TANC2: variants seen among roughly 807,000 people sequenced by gnomAD.
TANC2 encodes protein TANC2.
A neutral mutation model predicts 210.5 loss-of-function variants in TANC2; 26 were observed. The observed-to-expected ratio is 0.12, with a 90% CI of 0.09 to 0.17. The LOEUF (loss-of-function observed/expected upper bound fraction) is 0.17, where lower values mean the gene tolerates loss of function less well. TANC2 is among the 10% of genes least tolerant of loss of function. The pLI, the probability that TANC2 is intolerant of heterozygous loss-of-function variation, is 1.00. For synonymous variants in TANC2, 931 were observed against 967.1 expected (o/e 0.96, Z 0.69); for missense variants, 2,129 against 2,608.9 (o/e 0.82, Z 4.01).
intron 14 of TANC2, among the ~76,000 whole-genome samples, chr17:63,372,005 C>G (rs1333388988): frequency 5.9e-5 from 9 of 152,172 alleles, no homozygotes; most frequent in Non-Finnish European, 2.9e-5. Flanking sequence ...ACCACCTTCT[C>G]TGACTTTTGT....
intron 9 of TANC2, among the ~76,000 whole-genome samples, chr17:63,274,949 G>GA (rs1320116210): frequency 1.3e-5 from 2 of 152,248 alleles, no homozygotes; most frequent in Middle Eastern, 3.4e-3. Flanking sequence ...ATTCCGCAGA[G>GA]AAAGATAGAA....
chr17:63,073,896 G>A (rs2036484157), intron 2 of TANC2, 47 bp from the exon 3 acceptor site: 1 of 1,465,620 alleles, frequency 6.8e-7, no homozygotes, highest in Non-Finnish European at 9.3e-7. Flanking sequence ...ACACTGTTAT[G>A]TCAATCTCAT....
intron 9 of TANC2, among the ~76,000 whole-genome samples, chr17:63,301,187 T>G (rs1053401705): frequency 8.5e-5 from 13 of 152,166 alleles, no homozygotes; most frequent in Non-Finnish European, 2.9e-5. Flanking sequence ...TGCCAGTATT[T>G]TATTGAGGAT....
intron 5 of TANC2, among the ~76,000 whole-genome samples, chr17:63,172,468 C>T (rs1423368943): frequency 1.3e-5 from 2 of 151,960 alleles, no homozygotes; most frequent in Non-Finnish European, 2.9e-5. Context: ...AGGTGTGAGC[C>T]ACCGCCCCCG....
chr17:63,413,876 C>G (rs1432156813), intron 25 of TANC2, among the ~76,000 whole-genome samples: 1 of 152,124 alleles, frequency 6.6e-6, no homozygotes, highest in Non-Finnish European at 1.5e-5. Context: ...GTCACTCACC[C>G]ATGGTTTTGT....
intron 14 of TANC2, among the ~76,000 whole-genome samples, chr17:63,378,072 G>A (rs1252631636): frequency 2.0e-5 from 3 of 152,172 alleles, no homozygotes; most frequent in African/African-American, 7.2e-5. Flanking sequence ...TGAGATTTGG[G>A]TGGGGACACA....
At chr17:63,359,557 A>G (rs145884324) in intron 14 of TANC2, among the ~76,000 whole-genome samples, 25 of 151,976 alleles carry the variant, frequency 1.6e-4, no homozygotes, top group African/African-American at 5.3e-4. Context: ...CAATTTGGCC[A>G]GGCTGGTCTC....
intron 2 of TANC2, among the ~76,000 whole-genome samples, chr17:63,035,063 G>A (rs2034917657): frequency 6.6e-6 from 1 of 152,108 alleles, no homozygotes; most frequent in Admixed American, 6.5e-5. Flanking sequence ...TTTCATGAAA[G>A]GAAAAGTTAT....
rs184139523 is a variant in TANC2 at position 63,412,938 on chromosome 17, A to G, written c.3928+229A>G. On this transcript the variant is annotated intron_variant, in intron 24 of 27. Coordinates refer to ENST00000689528, the Ensembl canonical transcript of TANC2. The surrounding 1 kb of genome is among the most constrained non-coding windows in gnomAD (Gnocchi z 4.2). ...AATTCAGGCATTTGTAAACTAATCA[A>G]TTTAACCTTTTCTTTCTTTTTGTGG... Among the ~76,000 whole-genome samples, 18 of 152,344 alleles carry G rather than the reference A, an allele frequency of 1.2e-4. No individual in the cohort carries two copies. The highest frequency in any genetic ancestry group is 3.9e-4 in the East Asian group (2 of 5,188).
At chr17:63,109,327 GGAGT>G (rs2037945352) in intron 4 of TANC2, among the ~76,000 whole-genome samples, 1 of 151,536 alleles carries the variant, frequency 6.6e-6, no homozygotes, top group South Asian at 2.1e-4. Flanking sequence ...TGAAAAAGAG[GGAGT>G]GAGAAAAGAT....
chr17:63,368,929 G>C (rs2047185297), intron 14 of TANC2, among the ~76,000 whole-genome samples: 1 of 152,164 alleles, frequency 6.6e-6, no homozygotes, highest in Admixed American at 6.5e-5. Context: ...GCTATCAAAA[G>C]GGCAACTTAA....
At chr17:62,994,434 A>G (rs2033014889) in intron 1 of TANC2, among the ~76,000 whole-genome samples, 2 of 151,780 alleles carry the variant, frequency 1.3e-5, no homozygotes, top group Non-Finnish European at 2.9e-5. Flanking sequence ...TTCTTGTCCA[A>G]CTTAGGAGGA....
chr17:63,374,962 G>C (rs1005331134), intron 14 of TANC2, among the ~76,000 whole-genome samples: 1 of 152,038 alleles, frequency 6.6e-6, no homozygotes, highest in Non-Finnish European at 1.5e-5. Context: ...ATATAGGAGA[G>C]GGGGGAAATA....
At chr17:63,124,749 C>T (rs888494899) in intron 4 of TANC2, among the ~76,000 whole-genome samples, 6 of 152,206 alleles carry the variant, frequency 3.9e-5, no homozygotes, top group Non-Finnish European at 5.9e-5. Flanking sequence ...GGCGAGCAAG[C>T]ATTACTGCTT....
chr17:63,246,228 C>G (rs1043797125), intron 8 of TANC2, among the ~76,000 whole-genome samples: 7 of 138,482 alleles, frequency 5.1e-5, no homozygotes, highest in Admixed American at 2.1e-4. Flanking sequence ...AGATGAGTAC[C>G]CAAACTGGCC....
intron 9 of TANC2, among the ~76,000 whole-genome samples, chr17:63,269,881 G>A (rs1307504948): frequency 6.6e-6 from 1 of 152,040 alleles, no homozygotes; most frequent in Non-Finnish European, 1.5e-5. Context: ...CTTTAGGAAG[G>A]GCTCTGACTG....
At chr17:63,111,328 A>T (rs947944318) in intron 4 of TANC2, among the ~76,000 whole-genome samples, 5 of 152,112 alleles carry the variant, frequency 3.3e-5, no homozygotes, top group African/African-American at 1.2e-4. Flanking sequence ...ATTAAATAAG[A>T]TGTGTGTCAA....
chr17:63,416,540 T>TA (rs1350431675), intron 26 of TANC2, among the ~76,000 whole-genome samples: 1 of 152,222 alleles, frequency 6.6e-6, no homozygotes, highest in Admixed American at 6.5e-5. Flanking sequence ...GTGTAACCTT[T>TA]AGATCATCCA....
chr17:63,370,713 A>G lies in TANC2; in HGVS notation c.2583-9005A>G, dbSNP rs759260185. The stretch of plus-strand genomic sequence containing the variant: ...TACCATTTTTCAGAGACGCAGGCCA[A>G]TGGGGGCTCTGCCATCTTTCACACA... On this transcript the variant is annotated intron_variant, in intron 14 of 27. Coordinates refer to ENST00000689528, the Ensembl canonical transcript of TANC2. Among the ~76,000 whole-genome samples, 18 of 152,356 alleles carry G rather than the reference A, an allele frequency of 1.2e-4. No individual in the cohort carries two copies. In the East Asian group the frequency reaches 1.4e-3, roughly 11 times the overall value.
Sources: allele counts gnomAD v4.1 joint callset (sites outside exome capture counted in the v4.1 genomes callset), GRCh38; gene constraint gnomAD v4.1.1; non-coding constraint Gnocchi (gnomAD v3.1); transcripts MANE v1.5; gene names NCBI Gene and HGNC (gene_info 2026-07-23, HGNC 2026-07-21).